GPHN: variants seen among roughly 807,000 people sequenced by gnomAD.
GPHN encodes gephyrin.
A neutral mutation model predicts 95.5 loss-of-function variants in GPHN; 17 were observed. The ratio of observed to expected loss-of-function variants is 0.18; its 90% CI spans 0.12 to 0.27. The LOEUF (loss-of-function observed/expected upper bound fraction) is 0.27. Among genes scored for constraint, GPHN ranks in the 10% least tolerant of loss-of-function variants. The pLI is 1.00. For missense variants in GPHN, 660 were observed against 978.1 expected, an observed-to-expected ratio of 0.67 and a Z score of 4.34; for synonymous variants, 320 against 322.5, an observed-to-expected ratio of 0.99 and a Z score of 0.08.
intron 3 of GPHN, among the ~76,000 whole-genome samples, chr14:66,819,532 C>T (rs1325481781): frequency 6.6e-6 from 1 of 152,022 alleles, no homozygotes. Flanking sequence ...CTTTTTGTGC[C>T]AATATCATGC....
chr14:66,814,431 A>T lies in GPHN; in HGVS notation c.202-10043A>T, dbSNP rs926243452. Among the ~76,000 whole-genome samples, 3 of 152,288 alleles carry T rather than the reference A, an allele frequency of 2.0e-5. No homozygotes were observed. In the South Asian group the frequency reaches 6.2e-4, roughly 32 times the overall value. On this transcript the variant is annotated intron_variant, in intron 3 of 22. Transcript: ENST00000478722. ...TGCATCTGTTAGCACTCTTCTGCAG[A>T]TGCTGCACCTCAGAACCCCAGCACA...
intron 10 of GPHN, among the ~76,000 whole-genome samples, chr14:67,031,710 GC>G (rs1365446495): frequency 1.3e-5 from 2 of 152,100 alleles, no homozygotes; most frequent in Admixed American, 6.5e-5. Context: ...CTCCTGAGTA[GC>G]CATCATGCCT....
chr14:66,938,767 A>G (rs1011150722), intron 8 of GPHN, among the ~76,000 whole-genome samples: 15 of 152,214 alleles, frequency 9.9e-5, no homozygotes, highest in African/African-American at 2.7e-4. Context: ...AAATTTGTTC[A>G]TAGATGACAG....
At chr14:67,171,738 C>T (rs2281676) in intron 21 of GPHN, among the ~76,000 whole-genome samples, 3 of 151,870 alleles carry the variant, frequency 2.0e-5, no homozygotes, top group Admixed American at 2.0e-4. Flanking sequence ...AGAGTGTATC[C>T]GTGGAGTAAC....
In GPHN at chr14:66,614,816, C is replaced by T. The variant is rs139045769; in HGVS notation, c.65-66291C>T. Among the ~76,000 whole-genome samples the T allele has an allele frequency of 7.9e-3, 1,203 of 152,032 alleles. 9 individuals are homozygous for T. The highest frequency in any genetic ancestry group is 0.028 in the African/African-American group (1,148 of 41,462). On this transcript the variant is annotated intron_variant, in intron 1 of 22. Transcript: ENST00000478722. The stretch of plus-strand genomic sequence containing the variant: ...GATTTGTTACATAGGTATACATGTG[C>T]CATGGTGGTTTGCTGCACATATTGA...
chr14:67,280,704 A>G, the GPHN span, among the ~76,000 whole-genome samples: 1 of 152,190 alleles, frequency 6.6e-6, no homozygotes, highest in Non-Finnish European at 1.5e-5. Flanking sequence ...TACCCAGAAT[A>G]GAGCACCTTT....
chr14:67,019,453 A>G (rs17103832), intron 9 of GPHN, among the ~76,000 whole-genome samples: 2,835 of 152,246 alleles, frequency 0.019, 39 homozygotes, highest in African/African-American at 0.026. Context: ...TTCAATATGA[A>G]CCATACTGTA....
chr14:66,908,396 T>G (rs1010781677), intron 5 of GPHN, among the ~76,000 whole-genome samples: 1 of 152,116 alleles, frequency 6.6e-6, no homozygotes, highest in East Asian at 1.9e-4. Flanking sequence ...CAACAAGCAG[T>G]ATCTTATTAT....
intron 11 of GPHN, among the ~76,000 whole-genome samples, chr14:67,082,032 G>T (rs2076714332): frequency 6.6e-6 from 1 of 152,162 alleles, no homozygotes; most frequent in Non-Finnish European, 1.5e-5. Flanking sequence ...CACGTAGTGT[G>T]ATGTCTCCAG....
At chr14:67,144,234 CT>C (rs1157070572) in intron 18 of GPHN, among the ~76,000 whole-genome samples, 6 of 42,764 alleles carry the variant, frequency 1.4e-4, no homozygotes, top group East Asian at 1.6e-3. Flanking sequence ...AAGACCCTGT[CT>C]TAAAAAAAAA....
At chr14:67,636,838 C>A in the GPHN span, among the ~76,000 whole-genome samples, 2 of 152,178 alleles carry the variant, frequency 1.3e-5, no homozygotes, top group African/African-American at 2.4e-5. Flanking sequence ...ATGAGAACTT[C>A]CTTGAAATTT....
At chr14:66,799,939 G>C (rs1193158071) in intron 3 of GPHN, among the ~76,000 whole-genome samples, 2 of 151,838 alleles carry the variant, frequency 1.3e-5, no homozygotes, top group East Asian at 3.9e-4. Context: ...TTAGTTTCTT[G>C]CTTTTTATTT....
At chr14:66,588,881 A>G (rs554793713) in intron 1 of GPHN, among the ~76,000 whole-genome samples, 1 of 152,254 alleles carries the variant, frequency 6.6e-6, no homozygotes, top group South Asian at 2.1e-4. Context: ...GAATACAGAG[A>G]ACACCACAAA....
At chr14:66,832,843 T>C (rs558015886) in intron 4 of GPHN, among the ~76,000 whole-genome samples, 1 of 152,230 alleles carries the variant, frequency 6.6e-6, no homozygotes, top group African/African-American at 2.4e-5. Flanking sequence ...GAGTAATGAG[T>C]GAAATTTTTA....
intron 11 of GPHN, among the ~76,000 whole-genome samples, chr14:67,066,218 T>A (rs2076052359): frequency 6.6e-6 from 1 of 152,222 alleles, no homozygotes; most frequent in African/African-American, 2.4e-5. Flanking sequence ...AAATTCTGGG[T>A]TGAAAATTCT....
chr14:67,382,339 G>A, the GPHN span: 6 of 1,032,726 alleles, frequency 5.8e-6, no homozygotes, highest in Middle Eastern at 2.6e-4. Flanking sequence ...TGGCAATTAC[G>A]TTTTGGGGTG....
At chr14:67,267,404 A>G in the GPHN span, among the ~76,000 whole-genome samples, 1 of 151,966 alleles carries the variant, frequency 6.6e-6, no homozygotes, top group Non-Finnish European at 1.5e-5. Context: ...GATTACAGGC[A>G]TGCACCACCA....
intron 17 of GPHN, among the ~76,000 whole-genome samples, chr14:67,131,600 A>C (rs1211303789): frequency 6.6e-6 from 1 of 152,164 alleles, no homozygotes; most frequent in African/African-American, 2.4e-5. Flanking sequence ...AAAAATGTAC[A>C]GTGTAAAGCT....
At chr14:67,692,757 T>A in the GPHN span, 13 of 889,998 alleles carry the variant, frequency 1.5e-5, no homozygotes, top group African/African-American at 1.7e-4. Flanking sequence ...AAATTAATAA[T>A]ATTCATTAAG....
Sources: gnomAD v4.1 joint callset for allele counts (sites outside exome capture counted in the v4.1 genomes callset) on GRCh38, gnomAD v4.1.1 for gene constraint, MANE v1.5 for transcripts, NCBI Gene and HGNC (gene_info 2026-07-23, HGNC 2026-07-21) for gene names.